The following LGALS8 variants were observed in gnomAD, a reference collection of about 807,000 sequenced individuals.
The protein encoded by LGALS8 is galectin 8, also known as galectin-8.
In LGALS8, 30 loss-of-function variants were observed where a neutral mutation model predicts 35.9. The ratio of observed to expected loss-of-function variants is 0.83; its 90% CI spans 0.62 to 1.13. LGALS8 has a LOEUF of 1.13. Ranked by LOEUF, LGALS8 falls within the 50% of genes most tolerant of loss-of-function variation. The pLI is 0.00. For missense variants in LGALS8, 366 were observed against 388.7 expected, an observed-to-expected ratio of 0.94 and a Z score of 0.49; for synonymous variants, 138 against 136.1, an observed-to-expected ratio of 1.01 and a Z score of -0.10.
rs76933417 is a variant in LGALS8 at position 236,550,711 on chromosome 1, C to T, written c.*2550C>T. ...CATTTACTCTTTCTGCAGCTCTATACGATAGGCAGGAGAGGCTTATGTGGC... is the reference window on the plus strand; with the variant it reads ...CATTTACTCTTTCTGCAGCTCTATATGATAGGCAGGAGAGGCTTATGTGGC... On this transcript the variant is annotated 3_prime_UTR_variant, in exon 10 of 10. Transcript: ENST00000366584. 16 of 525,188 alleles carry T rather than the reference C, an allele frequency of 3.0e-5. No individual in the cohort carries two copies. The highest frequency in any genetic ancestry group is 2.1e-4 in the African/African-American group (11 of 51,992). 32.5% of individuals were successfully genotyped at this position (525,188 alleles called of 1,614,324 possible).
chr1:236,547,324 T>C (rs1230793425), intron 9 of LGALS8, among the ~76,000 whole-genome samples: 2 of 145,404 alleles, frequency 1.4e-5, no homozygotes, highest in African/African-American at 5.0e-5. Flanking sequence ...CATAGATGAC[T>C]GTGAAGGGCG....
chr1:236,547,026 G>A (rs1885535), intron 9 of LGALS8, among the ~76,000 whole-genome samples: 92,884 of 151,944 alleles, frequency 0.61, 29,289 homozygotes, highest in Non-Finnish European at 0.69. Context: ...CAAAAGAATG[G>A]AAACCCTCAA....
chr1:236,551,882 T>C lies in LGALS8; in HGVS notation c.*3721T>C. On this transcript the variant is annotated 3_prime_UTR_variant, in exon 10 of 10. Transcript: ENST00000366584. ...AGACTGGAGCTGCCTGTATGAGGAC[T>C]GGATCAACTGCTAGTCACGTTATAT... 1.4e-6 allele frequency: 1 copy of C among 704,900 alleles called. No homozygotes were observed. The highest frequency in any genetic ancestry group is 2.5e-6 in the Non-Finnish European group (1 of 404,036). The allele number at this position is 704,900 out of a possible 1,614,324, so 43.7% of individuals were successfully genotyped here.
At chr1:236,540,426 T>G in intron 4 of LGALS8, 138 bp from the exon 5 acceptor site, 1 of 938,632 alleles carries the variant, frequency 1.1e-6, no homozygotes, top group Non-Finnish European at 1.5e-6. Context: ...TCGGTTACCA[T>G]TTGGTCATGT....
At chr1:236,542,455 G>T in intron 6 of LGALS8, 1 of 405,390 alleles carries the variant, frequency 2.5e-6, no homozygotes, top group Non-Finnish European at 4.4e-6. Flanking sequence ...ATCCCAGTGT[G>T]GATGACAGAG....
intron 6 of LGALS8, among the ~76,000 whole-genome samples, chr1:236,541,943 C>G (rs111810359): frequency 3.7e-4 from 57 of 152,344 alleles, no homozygotes; most frequent in Non-Finnish European, 7.8e-4. Flanking sequence ...AAAGCACTCT[C>G]TCACTCTTAA....
intron 2 of LGALS8, among the ~76,000 whole-genome samples, chr1:236,528,319 T>C (rs1476380397): frequency 6.6e-6 from 1 of 150,712 alleles, no homozygotes; most frequent in African/African-American, 2.4e-5. Context: ...GAGGCGGAGG[T>C]TGCAGTGAGC....
chr1:236,541,844 T>C (rs947078325), intron 6 of LGALS8, 134 bp downstream of exon 6: 1 of 557,294 alleles, frequency 1.8e-6, no homozygotes, highest in East Asian at 3.2e-5. Flanking sequence ...AAAATTGAGA[T>C]ACATACTTGT....
At chr1:236,540,539 G>GA in intron 4 of LGALS8, 25 bp from the exon 5 acceptor site, 2 of 1,516,690 alleles carry the variant, frequency 1.3e-6, no homozygotes, top group South Asian at 1.3e-5. Context: ...TGGCGGGGGG[G>GA]GCTCTGTCTT....
chr1:236,547,409 T>A (rs1188417418), intron 9 of LGALS8, among the ~76,000 whole-genome samples: 1 of 152,198 alleles, frequency 6.6e-6, no homozygotes, highest in Admixed American at 6.5e-5. Context: ...TTGACGGCTT[T>A]GGACAAACAC....
In LGALS8 at chr1:236,526,753, T is replaced by C. The variant is rs757238467; in HGVS notation, c.45+638T>C. ...CACGTATCTGAAGCTGAATCCTGAA[T>C]CGAGGTCTGAAAAAGGACAGCCACT... On this transcript the variant is annotated intron_variant, in intron 2 of 9. Coordinates refer to ENST00000366584, the MANE Select transcript of LGALS8 (RefSeq NM_201544.4). This position sits in a 1 kb window ranked among gnomAD's most constrained non-coding sequence, Gnocchi z 4.6. Among the ~76,000 whole-genome samples, 3 of 152,162 alleles carry C rather than the reference T, an allele frequency of 2.0e-5. No homozygotes were observed. The highest frequency in any genetic ancestry group is 2.9e-5 in the Non-Finnish European group (2 of 68,026).
chr1:236,547,403 C>T (rs141267563), intron 9 of LGALS8, among the ~76,000 whole-genome samples: 93 of 152,282 alleles, frequency 6.1e-4, no homozygotes, highest in African/African-American at 1.8e-3. Context: ...CCAGCTTTGA[C>T]GGCTTTGGAC....
chr1:236,531,776 T>C (rs959194926), intron 2 of LGALS8, among the ~76,000 whole-genome samples: 4 of 152,226 alleles, frequency 2.6e-5, no homozygotes, highest in African/African-American at 9.7e-5. Flanking sequence ...CTTTCTCTTC[T>C]CACCCCATGT....
rs933234753 is a variant in LGALS8 at position 236,551,251 on chromosome 1, C to T, written c.*3090C>T. ...CTCAAACTTCCTAGGGATGCCACCCCTTTAGTAGCTCACACCTCCCCCCTC... is the reference window on the plus strand; with the variant it reads ...CTCAAACTTCCTAGGGATGCCACCCTTTTAGTAGCTCACACCTCCCCCCTC... On this transcript the variant is annotated 3_prime_UTR_variant, in exon 10 of 10. Transcript: ENST00000366584. 2.4e-5 allele frequency: 11 copies of T among 451,058 alleles called. No individual in the cohort carries two copies. The highest frequency in any genetic ancestry group is 3.5e-5 in the Non-Finnish European group (9 of 255,352). 27.9% of individuals were successfully genotyped at this position (451,058 alleles called of 1,614,324 possible). A position where few individuals can be genotyped will look rare whatever the true frequency, so the allele number is the denominator to read the frequency against.
chr1:236,542,866 G>A, intron 7 of LGALS8, 79 bp downstream of exon 7: 2 of 1,614,158 alleles, frequency 1.2e-6, no homozygotes, highest in Non-Finnish European at 1.7e-6. Flanking sequence ...AAACCGTGGA[G>A]GGCAGCTTCA....
upstream of LGALS8, among the ~76,000 whole-genome samples, chr1:236,521,013 T>C (rs2103058395): frequency 6.6e-6 from 1 of 152,326 alleles, no homozygotes; most frequent in East Asian, 1.9e-4. Context: ...CCAACTAAGG[T>C]TGCCACTCAG....
chr1:236,552,188 A>T lies in LGALS8; in HGVS notation c.*4027A>T. ...TTAAGAGCTGTACTGACTTGAGACA[A>T]GCTCTAACTTTTTAAACATTAGTTC... is the stretch of plus-strand genomic sequence containing the variant. On this transcript the variant is annotated 3_prime_UTR_variant, in exon 10 of 10. Coordinates refer to ENST00000366584, the MANE Select transcript of LGALS8 (RefSeq NM_201544.4). 1.1e-6 allele frequency: 1 copy of T among 889,732 alleles called. No individual in the cohort carries two copies. The highest frequency in any genetic ancestry group is 1.5e-5 in the South Asian group (1 of 64,624). 55.1% of individuals were successfully genotyped at this position (889,732 alleles called of 1,614,324 possible). A position where few individuals can be genotyped will look rare whatever the true frequency, so the allele number is the denominator to read the frequency against.
chr1:236,548,243 A>G lies in LGALS8; in HGVS notation c.*82A>G, dbSNP rs905864856. ...CCTTGCTGAAACGCATCTCACTGTC[A>G]TTCTATTGTTTATATTGTTAAAATG... is the stretch of plus-strand genomic sequence containing the variant. On this transcript the variant is annotated 3_prime_UTR_variant, in exon 10 of 10. Transcript: ENST00000366584. The G allele has an allele frequency of 7.3e-6, 9 of 1,231,908 alleles. No homozygotes were observed. The highest frequency in any genetic ancestry group is 1.0e-5 in the Non-Finnish European group (9 of 866,674). 76.3% of individuals were successfully genotyped at this position (1,231,908 alleles called of 1,614,324 possible).
At chr1:236,532,251 TCGTAAGGA>T (rs1661191088) in intron 2 of LGALS8, among the ~76,000 whole-genome samples, 1 of 152,220 alleles carries the variant, frequency 6.6e-6, no homozygotes, top group African/African-American at 2.4e-5. Context: ...GGGGCCTGCC[TCGTAAGGA>T]GGCCTTTCCA....
Sources: allele counts gnomAD v4.1 joint callset (sites outside exome capture counted in the v4.1 genomes callset), GRCh38; gene constraint gnomAD v4.1.1; non-coding constraint Gnocchi (gnomAD v3.1); transcripts MANE v1.5; gene names NCBI Gene and HGNC (gene_info 2026-07-23, HGNC 2026-07-21).